The following GNAQ variants were observed in gnomAD, a reference collection of about 807,000 sequenced individuals.
The protein encoded by GNAQ is G protein subunit alpha q.
In GNAQ, 8 loss-of-function variants were observed where a neutral mutation model predicts 43.9. The observed-to-expected ratio is 0.18, with a 90% CI of 0.11 to 0.33. The LOEUF (loss-of-function observed/expected upper bound fraction) is 0.33, where lower values mean the gene tolerates loss of function less well. GNAQ is among the 10% of genes least tolerant of loss of function. GNAQ has a pLI of 1.00. For missense variants in GNAQ, 158 were observed against 450.8 expected, an observed-to-expected ratio of 0.35 and a Z score of 5.88; for synonymous variants, 155 against 170.7, an observed-to-expected ratio of 0.91 and a Z score of 0.71.
rs1281217005 is a variant in GNAQ, at chr9:78,031,086, C to T, written c.136+14G>A. ...GGGGCGCAGAGGCCCGGCGGGGCCC[C>T]GGACGGTACTCACCGAGCAGCAGCA... On this transcript the variant is annotated intron_variant, in intron 1 of 6. Coordinates refer to ENST00000286548, the MANE Select transcript of GNAQ (RefSeq NM_002072.5). 1.3e-6 allele frequency: 2 copies of T among 1,481,804 alleles called. No homozygotes were observed. Among genetic ancestry groups the T allele is most frequent in the African/African-American group, 1.4e-5 (1 of 69,058 alleles). 91.8% of individuals were successfully genotyped at this position (1,481,804 alleles called of 1,614,324 possible). A position where few individuals can be genotyped will look rare whatever the true frequency, so the allele number is the denominator to read the frequency against.
At chr9:77,755,386 TC>T (rs1825885500) in intron 5 of GNAQ, among the ~76,000 whole-genome samples, 1 of 152,280 alleles carries the variant, frequency 6.6e-6, no homozygotes, top group African/African-American at 2.4e-5. Context: ...TCTTTGAAAA[TC>T]ATTAAATGCT....
intron 2 of GNAQ, among the ~76,000 whole-genome samples, chr9:77,912,175 T>C (rs1828818750): frequency 2.6e-5 from 4 of 152,208 alleles, no homozygotes; most frequent in Admixed American, 2.6e-4. Flanking sequence ...CAGTCATTAA[T>C]AGAGCACAGC....
intron 2 of GNAQ, among the ~76,000 whole-genome samples, chr9:77,881,202 C>G (rs539976297): frequency 6.6e-6 from 1 of 152,174 alleles, no homozygotes; most frequent in African/African-American, 2.4e-5. Flanking sequence ...CGCACCCCCC[C>G]CAAAACGGGC....
At chr9:77,991,593 T>C (rs1823508519) in intron 1 of GNAQ, among the ~76,000 whole-genome samples, 1 of 152,194 alleles carries the variant, frequency 6.6e-6, no homozygotes, top group Admixed American at 6.5e-5. Context: ...TCAATAGTTT[T>C]GGGGGTACAG....
At chr9:77,724,843 A>G (rs1825373212) in intron 6 of GNAQ, among the ~76,000 whole-genome samples, 1 of 152,180 alleles carries the variant, frequency 6.6e-6, no homozygotes, top group African/African-American at 2.4e-5. Flanking sequence ...AAAAAGTACA[A>G]TTAAAAACAA....
rs189847570 is a variant in GNAQ at position 77,891,163 on chromosome 9, G to T, written c.321+30998C>A. Among the ~76,000 whole-genome samples the T allele has an allele frequency of 9.8e-3, 1,496 of 152,130 alleles. 16 individuals are homozygous for T. Among genetic ancestry groups the T allele is most frequent in the Non-Finnish European group, 0.013 (881 of 67,970 alleles). On this transcript the variant is annotated intron_variant, in intron 2 of 6. Transcript: ENST00000286548. Reference sequence around the variant, plus strand: ...GAGAACCTTTAGTTTTCCTTATTTTGATTTTTTTACTGTATCCATTTTGCC... The same window carrying T: ...GAGAACCTTTAGTTTTCCTTATTTTTATTTTTTTACTGTATCCATTTTGCC...
chr9:77,886,078 G>A (rs775431406), intron 2 of GNAQ, among the ~76,000 whole-genome samples: 3 of 152,164 alleles, frequency 2.0e-5, no homozygotes, highest in Non-Finnish European at 4.4e-5. Context: ...CTGGGTTCAA[G>A]TGACTCTCCT....
intron 5 of GNAQ, among the ~76,000 whole-genome samples, chr9:77,767,233 G>C (rs1416624656): frequency 6.6e-6 from 1 of 152,108 alleles, no homozygotes; most frequent in Non-Finnish European, 1.5e-5. Flanking sequence ...TGACATTTGG[G>C]CTGGATGATT....
At chr9:77,858,091 C>A in intron 2 of GNAQ, among the ~76,000 whole-genome samples, 1 of 152,128 alleles carries the variant, frequency 6.6e-6, no homozygotes, top group East Asian at 1.9e-4. Context: ...TCAATCTCCC[C>A]TTCCTGCTTT....
At chr9:77,973,925 T>C (rs1310023695) in intron 1 of GNAQ, among the ~76,000 whole-genome samples, 1 of 152,208 alleles carries the variant, frequency 6.6e-6, no homozygotes, top group East Asian at 1.9e-4. Context: ...TGGGTTATTA[T>C]ATAATAAGGT....
chr9:77,802,818 G>A (rs1026085085), intron 3 of GNAQ, among the ~76,000 whole-genome samples: 13 of 152,288 alleles, frequency 8.5e-5, no homozygotes, highest in African/African-American at 3.1e-4. Flanking sequence ...AGCTATTCAT[G>A]TTAGAAAATG....
At chr9:77,870,615 G>A (rs1225621129) in intron 2 of GNAQ, among the ~76,000 whole-genome samples, 1 of 152,030 alleles carries the variant, frequency 6.6e-6, no homozygotes, top group South Asian at 2.1e-4. Flanking sequence ...TTGAGCCACC[G>A]CGCCCCGCCT....
intron 2 of GNAQ, among the ~76,000 whole-genome samples, chr9:77,831,236 A>C (rs1827293343): frequency 6.6e-6 from 1 of 152,234 alleles, no homozygotes. Context: ...AAAAAGAATT[A>C]AAATGTTTTA....
intron 1 of GNAQ, among the ~76,000 whole-genome samples, chr9:77,965,892 C>G (rs75537770): frequency 0.011 from 1,657 of 150,076 alleles, 25 homozygotes; most frequent in African/African-American, 0.039. Context: ...TGAATGTTCA[C>G]AGCAGCTTTA....
At chr9:77,746,640 C>T (rs895065540) in intron 5 of GNAQ, among the ~76,000 whole-genome samples, 3 of 152,000 alleles carry the variant, frequency 2.0e-5, no homozygotes, top group African/African-American at 4.8e-5. Flanking sequence ...TACAGCTGCT[C>T]ATCAATGAAC....
intron 2 of GNAQ, among the ~76,000 whole-genome samples, chr9:77,858,436 T>G (rs552255387): frequency 2.0e-5 from 3 of 152,268 alleles, no homozygotes; most frequent in African/African-American, 7.2e-5. Flanking sequence ...CACTACTACC[T>G]TCATTTCACT....
rs571801127 is a variant in GNAQ at position 78,004,823 on chromosome 9, T to C, written c.136+26277A>G. Among the ~76,000 whole-genome samples, 4 of 151,876 alleles carry C rather than the reference T, an allele frequency of 2.6e-5. No individual in the cohort carries two copies. The East Asian group carries it at 7.8e-4, about 30-fold the overall frequency. On this transcript the variant is annotated intron_variant, in intron 1 of 6. Transcript: ENST00000286548. ...ACAGAGAGCGATGGAGGAAAAAGCA[T>C]CCTAGGGGTGGGAGAGAAGAGAGGA...
At chr9:77,851,677 C>T (rs569667253) in intron 2 of GNAQ, among the ~76,000 whole-genome samples, 3 of 152,206 alleles carry the variant, frequency 2.0e-5, no homozygotes, top group Admixed American at 1.3e-4. Context: ...CTAGCTAACC[C>T]GTCTTCCAGT....
intron 5 of GNAQ, among the ~76,000 whole-genome samples, chr9:77,781,560 C>T (rs763294522): frequency 5.3e-5 from 8 of 151,900 alleles, no homozygotes; most frequent in Admixed American, 2.0e-4. Context: ...AAAGTCATTC[C>T]GAGAAAGCTA....
Sources: gnomAD v4.1 joint callset for allele counts (sites outside exome capture counted in the v4.1 genomes callset) on GRCh38, gnomAD v4.1.1 for gene constraint, MANE v1.5 for transcripts, NCBI Gene and HGNC (gene_info 2026-07-23, HGNC 2026-07-21) for gene names.